Variants in MUC7 observed in about 807,000 individuals in gnomAD.
The protein encoded by MUC7 is mucin-7.
In MUC7, 2 loss-of-function variants were observed where a neutral mutation model predicts 2.5. The ratio of observed to expected loss-of-function variants is 0.81; its 90% CI spans 0.33 to 2.55. The LOEUF is 2.55. Among genes scored for constraint, MUC7 ranks in the 30% most tolerant of loss-of-function variants. The probability of loss-of-function intolerance (pLI) is 0.11; values close to 1 mark genes in which losing one functional copy is unlikely to be tolerated. For synonymous variants in MUC7, 133 were observed against 173.4 expected (o/e 0.77, Z 1.83); for missense variants, 408 against 455.6 (o/e 0.90, Z 0.95).
intron 1 of MUC7, among the ~76,000 whole-genome samples, chr4:70,436,291 G>A (rs949645492): frequency 2.6e-5 from 4 of 152,184 alleles, no homozygotes; most frequent in African/African-American, 9.7e-5. Flanking sequence ...ATCCTGAAGA[G>A]TGTTTTCTAA....
intron 1 of MUC7, among the ~76,000 whole-genome samples, chr4:70,445,120 C>T (rs79955732): frequency 0.074 from 11,196 of 152,200 alleles, 609 homozygotes; most frequent in East Asian, 0.19. Flanking sequence ...ATTCCCTCAA[C>T]TGCTCTGTTT....
chr4:70,459,050 C>T lies in MUC7; in HGVS notation c.-92-13165C>T, dbSNP rs113488455. 1.0e-3 allele frequency among the ~76,000 whole-genome samples: 152 copies of T among 152,080 alleles called. 2 individuals carry two copies. The highest frequency in any genetic ancestry group is 3.4e-3 in the Middle Eastern group (1 of 294). On this transcript the variant is annotated intron_variant, in intron 1 of 3. Coordinates refer to the MUC7 transcript ENST00000413702. The stretch of plus-strand genomic sequence containing the variant: ...GAAATATAAAGCAGTATTATAAATA[C>T]AAGAAGAAATTGATAATTCCAAATC...
upstream of MUC7, among the ~76,000 whole-genome samples, chr4:70,470,576 C>T (rs534844887): frequency 5.1e-4 from 77 of 152,098 alleles, 2 homozygotes; most frequent in South Asian, 0.016. Flanking sequence ...GATAATTAGA[C>T]AATTTTTGAA....
At chr4:70,467,819 T>G (rs1734719045), upstream of MUC7, among the ~76,000 whole-genome samples, 1 of 152,172 alleles carries the variant, frequency 6.6e-6, no homozygotes, top group Non-Finnish European at 1.5e-5. Context: ...ACAGCCAAAT[T>G]CTACCAGAGG....
chr4:70,453,383 TGGA>T (rs1440912445), intron 1 of MUC7, among the ~76,000 whole-genome samples: 1 of 152,166 alleles, frequency 6.6e-6, no homozygotes, highest in Non-Finnish European at 1.5e-5. Flanking sequence ...TTTTCAAAGG[TGGA>T]GGAGTTTTAC....
chr4:70,438,456 T>TTTTGTTTTGTTTTGG lies in MUC7; in HGVS notation c.-93+7773_-93+7774insTTTTGTTTTGGTTTG, dbSNP rs1553917928. On this transcript the variant is annotated intron_variant, in intron 1 of 3. Coordinates refer to the MUC7 transcript ENST00000413702. ...TTTTGTTTTGTTTTGTTTTGTTTTG[T>TTTTGTTTTGTTTTGG]TTTGGTTTGGTTTGGTTTTGAGACA... is the stretch of plus-strand genomic sequence containing the variant. Among the ~76,000 whole-genome samples, 1,218 of 151,436 alleles carry TTTTGTTTTGTTTTGG rather than the reference T, an allele frequency of 8.0e-3. 10 individuals are homozygous for TTTTGTTTTGTTTTGG. The highest frequency in any genetic ancestry group is 0.028 in the African/African-American group (1,154 of 41,150).
intron 1 of MUC7, among the ~76,000 whole-genome samples, chr4:70,434,996 T>C (rs1317532758): frequency 6.6e-6 from 1 of 152,234 alleles, no homozygotes; most frequent in Admixed American, 6.5e-5. Flanking sequence ...GATTGTTCAG[T>C]TTCCATGTAG....
intron 1 of MUC7, among the ~76,000 whole-genome samples, chr4:70,442,125 A>C (rs1231068425): frequency 6.6e-6 from 1 of 152,240 alleles, no homozygotes; most frequent in African/African-American, 2.4e-5. Context: ...AACTGAGTTA[A>C]GCATGAGTTC....
intron 2 of MUC7, among the ~76,000 whole-genome samples, chr4:70,478,119 C>A (rs1226163746): frequency 6.6e-6 from 1 of 152,078 alleles, no homozygotes; most frequent in Admixed American, 6.6e-5. Flanking sequence ...ATGTTCCAGG[C>A]CAAGCTAACA....
At position 70,480,950 on chromosome 4, in the gene MUC7, G is replaced by A. The variant is rs974611587; in HGVS notation, c.206G>A (p.Arg69His). The A allele has an allele frequency of 1.8e-5, 29 of 1,613,904 alleles. No individual in the cohort carries two copies. Among genetic ancestry groups the A allele is most frequent in the Middle Eastern group, 1.6e-4 (1 of 6,084 alleles). The part of the protein sequence containing the change: ...IRKSYKCLHK[R>H]CRPKLPPSPN... ...AAGTCCTATAAATGTCTGCACAAAC[G>A]CTGTAGGCCTAAGCTTCCACCTTCA... Residue 69 changes from arginine to histidine, a missense_variant, in exon 3 of 3, where the codon CGC (arginine) becomes CAC (histidine). By Grantham distance (29) the Arg-to-His change is conservative (BLOSUM62 0). Coordinates refer to ENST00000304887, the MANE Select transcript of MUC7 (RefSeq NM_152291.3).
chr4:70,448,356 C>A (rs937964581), intron 1 of MUC7, among the ~76,000 whole-genome samples: 4 of 152,166 alleles, frequency 2.6e-5, no homozygotes, highest in African/African-American at 9.7e-5. Context: ...ATTTGAGGGA[C>A]CTCCAAACTG....
intron 2 of MUC7, among the ~76,000 whole-genome samples, chr4:70,478,096 G>T (rs1344342515): frequency 6.6e-6 from 1 of 151,948 alleles, no homozygotes; most frequent in Non-Finnish European, 1.5e-5. Flanking sequence ...CAAACAAACT[G>T]GTCATTTGAT....
At chr4:70,473,434 ACT>A (rs1475333053) in intron 1 of MUC7, among the ~76,000 whole-genome samples, 3 of 142,874 alleles carry the variant, frequency 2.1e-5, no homozygotes, top group East Asian at 2.1e-4. Flanking sequence ...ACAGAGCGAG[ACT>A]CTGTCTCAAA....
intron 1 of MUC7, among the ~76,000 whole-genome samples, chr4:70,437,380 T>A (rs72852793): frequency 0.023 from 3,554 of 152,300 alleles, 148 homozygotes; most frequent in African/African-American, 0.08. Flanking sequence ...TCCCTGCCTC[T>A]TTGTTTACAT....
chr4:70,474,383 G>A (rs1198009209), intron 2 of MUC7, among the ~76,000 whole-genome samples: 1 of 152,024 alleles, frequency 6.6e-6, no homozygotes, highest in East Asian at 1.9e-4. Context: ...AGCCAGGTGT[G>A]GTGGTGCGTG....
chr4:70,460,490 A>C (rs996065802), intron 1 of MUC7, among the ~76,000 whole-genome samples: 1 of 147,664 alleles, frequency 6.8e-6, no homozygotes, highest in Non-Finnish European at 1.5e-5. Flanking sequence ...TTTGAGATGG[A>C]GTGGGGGATG....
In MUC7 at chr4:70,448,584, G is replaced by A. The variant is rs144230834; in HGVS notation, c.-93+17897G>A. On this transcript the variant is annotated intron_variant, in intron 1 of 3. Transcript: ENST00000413702. Reference sequence around the variant, plus strand: ...TTGTATGTCTTCTTTGAAGAAATATGTATTCAAATTTTTGGCCCATTTCTT... The same window carrying A: ...TTGTATGTCTTCTTTGAAGAAATATATATTCAAATTTTTGGCCCATTTCTT... Among the ~76,000 whole-genome samples, 370 of 152,184 alleles carry A rather than the reference G, an allele frequency of 2.4e-3. 2 individuals are homozygous for A. The highest frequency in any genetic ancestry group is 8.4e-3 in the African/African-American group (349 of 41,544).
At chr4:70,438,465 G>A (rs1577897946) in intron 1 of MUC7, among the ~76,000 whole-genome samples, 1 of 151,990 alleles carries the variant, frequency 6.6e-6, no homozygotes. Flanking sequence ...GTTTTGGTTT[G>A]GTTTGGTTTT....
At chr4:70,452,909 C>T (rs1258949768) in intron 1 of MUC7, among the ~76,000 whole-genome samples, 2 of 152,156 alleles carry the variant, frequency 1.3e-5, no homozygotes, top group African/African-American at 4.8e-5. Context: ...TTTTGTTTGT[C>T]TGGGAAAGTC....
Sources: allele counts gnomAD v4.1 joint callset (sites outside exome capture counted in the v4.1 genomes callset), GRCh38; gene constraint gnomAD v4.1.1; transcripts MANE v1.5; gene names NCBI Gene and HGNC (gene_info 2026-07-23, HGNC 2026-07-21).